Variants in EPHA6 observed in about 807,000 individuals in gnomAD.
EPHA6 encodes the protein ephrin type-A receptor 6.
EPHA6 carries 50 observed loss-of-function variants against 112.0 expected under a neutral mutation model. The observed-to-expected ratio is 0.45, with a 90% confidence interval of 0.36 to 0.56. The LOEUF (loss-of-function observed/expected upper bound fraction) is 0.56. Among genes scored for constraint, EPHA6 ranks in the 20% least tolerant of loss-of-function variants. EPHA6 has a pLI of 0.00. For missense variants in EPHA6, 1,280 were observed against 1,417.4 expected (o/e 0.90, Z 1.56); for synonymous variants, 529 against 490.7 (o/e 1.08, Z -1.03).
intron 5 of EPHA6, among the ~76,000 whole-genome samples, chr3:97,290,661 G>T (rs2080646675): frequency 6.6e-6 from 1 of 151,960 alleles, no homozygotes; most frequent in Non-Finnish European, 1.5e-5. Context: ...TTCTGGTTTG[G>T]TTATGTATAG....
At chr3:97,484,749 CA>C (rs1416264195) in intron 10 of EPHA6, among the ~76,000 whole-genome samples, 2 of 152,120 alleles carry the variant, frequency 1.3e-5, no homozygotes, top group East Asian at 3.9e-4. Context: ...TTGCAAGGCC[CA>C]AGTTCCTTCT....
chr3:97,395,554 CCCG>C (rs1466068631), intron 5 of EPHA6, among the ~76,000 whole-genome samples: 31 of 151,770 alleles, frequency 2.0e-4, no homozygotes, highest in Admixed American at 1.8e-3. Flanking sequence ...TGCAATTATA[CCCG>C]TTAGTTCATT....
intron 14 of EPHA6, among the ~76,000 whole-genome samples, chr3:97,640,649 G>A (rs374544204): frequency 1.6e-4 from 25 of 152,062 alleles, no homozygotes; most frequent in East Asian, 7.8e-4. Flanking sequence ...GCGTGGTGGC[G>A]CATGCCTGTA....
chr3:97,423,055 T>C (rs1173907709), intron 6 of EPHA6, among the ~76,000 whole-genome samples: 2 of 152,170 alleles, frequency 1.3e-5, no homozygotes, highest in African/African-American at 4.8e-5. Context: ...TCACAGTGAA[T>C]GGGCAAAAGC....
chr3:97,211,251 A>G (rs2077866122), intron 3 of EPHA6, among the ~76,000 whole-genome samples: 1 of 152,194 alleles, frequency 6.6e-6, no homozygotes, highest in Admixed American at 6.5e-5. Context: ...GCCACAGTAC[A>G]TTATTTAATA....
intron 2 of EPHA6, among the ~76,000 whole-genome samples, chr3:96,891,193 C>T (rs2037939428): frequency 6.6e-6 from 1 of 151,902 alleles, no homozygotes; most frequent in African/African-American, 2.4e-5. Context: ...ACATAACTGC[C>T]AATCAGCAGT....
At chr3:97,331,708 C>T (rs1020128464) in intron 5 of EPHA6, among the ~76,000 whole-genome samples, 2 of 152,092 alleles carry the variant, frequency 1.3e-5, no homozygotes, top group African/African-American at 4.8e-5. Context: ...GAAATTGAAT[C>T]TCTGAATAGA....
At position 97,539,034 on chromosome 3, in the gene EPHA6, TCTTG is replaced by T. The variant is rs1215698885; in HGVS notation, c.2386+6495_2386+6498del. ...TTCTTTCTTTCTTTCTTTCTTTCTT[TCTTG>T]CTTTCTTTCTTTCTTTTTCTCTTTC... On this transcript the variant is annotated intron_variant, in intron 11 of 17. Transcript: ENST00000389672. Among the ~76,000 whole-genome samples the T allele has an allele frequency of 1.4e-3, 201 of 142,062 alleles. 2 individuals carry two copies. The highest frequency in any genetic ancestry group is 4.1e-3 in the African/African-American group (153 of 37,472). The allele number at this position is 142,062 out of a possible 152,430, so 93.2% of individuals were successfully genotyped here.
At chr3:97,064,314 A>G (rs907941197) in intron 3 of EPHA6, among the ~76,000 whole-genome samples, 2 of 152,186 alleles carry the variant, frequency 1.3e-5, no homozygotes, top group African/African-American at 4.8e-5. Context: ...CAATGATTAC[A>G]CGTGTGCTCC....
intron 5 of EPHA6, among the ~76,000 whole-genome samples, chr3:97,369,867 A>C (rs917474770): frequency 6.6e-6 from 1 of 152,212 alleles, no homozygotes; most frequent in South Asian, 2.1e-4. Flanking sequence ...GCTAATATAT[A>C]ACAGCAATCT....
Position 97,132,841 on chromosome 3 carries a change from C to T in EPHA6, c.1115-93423C>T, listed in dbSNP as rs575912371. Among the ~76,000 whole-genome samples, 70 of 151,968 alleles carry T rather than the reference C, an allele frequency of 4.6e-4. 2 individuals are homozygous for T. Among genetic ancestry groups the T allele is most frequent in the Admixed American group, 4.1e-3 (63 of 15,230 alleles). ...CCAAAGTAAATTTACAAAAACTAAT[C>T]GAAGTATGCATTCACCCAGGGCTAA... On this transcript the variant is annotated intron_variant, in intron 3 of 17. Transcript: ENST00000389672.
intron 2 of EPHA6, among the ~76,000 whole-genome samples, chr3:96,906,314 G>C (rs1165427880): frequency 6.6e-6 from 1 of 151,912 alleles, no homozygotes; most frequent in African/African-American, 2.4e-5. Flanking sequence ...GACCAACACT[G>C]TTATGTGAAA....
At position 96,999,745 on chromosome 3, in the gene EPHA6, C is replaced by T. The variant is rs140050172; in HGVS notation, c.1114+11752C>T. 4.3e-3 allele frequency among the ~76,000 whole-genome samples: 658 copies of T among 151,920 alleles called. 5 individuals carry two copies. The highest frequency in any genetic ancestry group is 0.015 in the African/African-American group (633 of 41,506). On this transcript the variant is annotated intron_variant, in intron 3 of 17. Coordinates refer to ENST00000389672, the MANE Select transcript of EPHA6 (RefSeq NM_001080448.3). ...AATGCACAGTTTTCTCCATCAGGCT[C>T]AAATAATCCCTGAACCCCTAAGATG...
intron 2 of EPHA6, among the ~76,000 whole-genome samples, chr3:96,921,430 T>A (rs1308678840): frequency 6.6e-6 from 1 of 152,148 alleles, no homozygotes; most frequent in African/African-American, 2.4e-5. Flanking sequence ...GCTTTTCTCC[T>A]AAAGTGTGTT....
At position 97,592,659 on chromosome 3, in the gene EPHA6, A is replaced by T. The variant is rs1172152758; in HGVS notation, c.2434A>T (p.Arg812Trp). The T allele has an allele frequency of 6.2e-7, 1 of 1,613,476 alleles. No homozygotes were observed. Among genetic ancestry groups the T allele is most frequent in the Admixed American group, 1.7e-5 (1 of 59,900 alleles). Reference sequence around the variant, plus strand: ...GGAGGCGTTTTGCCCCAGCTTCCTGAGGGCAGGGTTTTTAAATAGCATCCA... The same window carrying T: ...GGAGGCGTTTTGCCCCAGCTTCCTGTGGGCAGGGTTTTTAAATAGCATCCA... ...GVEAFCPSFLRAGFLNSIQAP... is the reference protein window; with the variant it reads ...GVEAFCPSFLWAGFLNSIQAP... Residue 812 changes from arginine to tryptophan, a missense_variant, in exon 12 of 18, where the codon AGG becomes TGG. Around this residue, in one of 4 missense-constraint regions of EPHA6, gnomAD observed 878 missense variants for 999.7 expected, o/e 0.88. Coordinates refer to ENST00000389672, the MANE Select transcript of EPHA6 (RefSeq NM_001080448.3).
intron 5 of EPHA6, among the ~76,000 whole-genome samples, chr3:97,344,538 G>T (rs2083448173): frequency 6.6e-6 from 1 of 152,122 alleles, no homozygotes; most frequent in Non-Finnish European, 1.5e-5. Context: ...ATGCAAACCA[G>T]GAAGAGCATT....
intron 11 of EPHA6, among the ~76,000 whole-genome samples, chr3:97,549,342 G>T (rs2092998899): frequency 6.6e-6 from 1 of 152,118 alleles, no homozygotes; most frequent in Admixed American, 6.6e-5. Context: ...GCTACATTAA[G>T]TGATTGACTT....
At chr3:97,150,937 TTCATTC>T (rs1442871726) in intron 3 of EPHA6, among the ~76,000 whole-genome samples, 1 of 152,158 alleles carries the variant, frequency 6.6e-6, no homozygotes, top group Non-Finnish European at 1.5e-5. Flanking sequence ...AATTCACTAA[TTCATTC>T]ATTTATCAGA....
intron 12 of EPHA6, among the ~76,000 whole-genome samples, chr3:97,599,747 C>T (rs1213175099): frequency 4.6e-5 from 7 of 152,198 alleles, no homozygotes; most frequent in Admixed American, 1.3e-4. Flanking sequence ...CTTGGTGATG[C>T]GGGCTCCTTT....
Sources: gnomAD v4.1 joint callset for allele counts (sites outside exome capture counted in the v4.1 genomes callset) on GRCh38, gnomAD v4.1.1 for gene constraint, gnomAD v4.1.1 regional missense constraint, MANE v1.5 for transcripts, NCBI Gene and HGNC (gene_info 2026-07-23, HGNC 2026-07-21) for gene names.